Variants in EYS observed in about 807,000 individuals in gnomAD.
EYS encodes protein eyes shut homolog.
In EYS, 250 loss-of-function variants were observed where a neutral mutation model predicts 282.1. That is an observed-to-expected ratio of 0.89 (90% confidence interval 0.80 to 0.98). The LOEUF is 0.98. Ranked by LOEUF, EYS falls within the 50% of genes least tolerant of loss-of-function variation. EYS has a pLI of 0.00. For missense variants in EYS, 4,016 were observed against 3,709.0 expected, an observed-to-expected ratio of 1.08 and a Z score of -2.15; for synonymous variants, 1,355 against 1,282.9, an observed-to-expected ratio of 1.06 and a Z score of -1.20.
chr6:64,426,732 C>A (rs1774420868), intron 28 of EYS, among the ~76,000 whole-genome samples: 1 of 152,094 alleles, frequency 6.6e-6, no homozygotes, highest in African/African-American at 2.4e-5. Context: ...TAAACTATTT[C>A]TCTTAAACCC....
chr6:64,341,731 T>C (rs1406147273), intron 29 of EYS, among the ~76,000 whole-genome samples: 1 of 151,712 alleles, frequency 6.6e-6, no homozygotes, highest in Non-Finnish European at 1.5e-5. Flanking sequence ...TATCCAATCC[T>C]ACTTCCTTCC....
intron 11 of EYS, among the ~76,000 whole-genome samples, chr6:65,320,563 C>T (rs577667333): frequency 1.9e-4 from 29 of 152,156 alleles, no homozygotes; most frequent in African/African-American, 5.8e-4. Flanking sequence ...GCTCCTTGAA[C>T]GTATTCAAGT....
chr6:64,361,051 A>T (rs946502690), intron 29 of EYS, among the ~76,000 whole-genome samples: 3 of 151,682 alleles, frequency 2.0e-5, no homozygotes, highest in Non-Finnish European at 3.0e-5. Context: ...GGTTTGTTTT[A>T]TTTTTAACAT....
At chr6:64,076,314 T>A (rs1771769610) in intron 32 of EYS, among the ~76,000 whole-genome samples, 1 of 151,978 alleles carries the variant, frequency 6.6e-6, no homozygotes, top group Non-Finnish European at 1.5e-5. Context: ...GAAACAAAAC[T>A]TAAGAACTAT....
chr6:65,170,373 G>T (rs950475654), intron 12 of EYS, among the ~76,000 whole-genome samples: 2 of 151,480 alleles, frequency 1.3e-5, no homozygotes, highest in Non-Finnish European at 3.0e-5. Context: ...CATTTTTGAG[G>T]CGAATATATT....
chr6:65,615,951 GA>G (rs34232879), intron 2 of EYS, among the ~76,000 whole-genome samples: 1 of 4,928 alleles, frequency 2.0e-4, no homozygotes, highest in Non-Finnish European at 3.2e-4. Context: ...AAAAAAAAAA[GA>G]AAGAAAAAAA....
At chr6:65,057,846 A>T (rs1561944293) in intron 12 of EYS, 119 bp from the exon 13 acceptor site, 8 of 676,400 alleles carry the variant, frequency 1.2e-5, no homozygotes, top group Non-Finnish European at 1.6e-5. Flanking sequence ...AACCAAATTT[A>T]TTAGATAAGA....
chr6:65,100,974 T>C (rs987730643), intron 12 of EYS, among the ~76,000 whole-genome samples: 2 of 151,074 alleles, frequency 1.3e-5, no homozygotes, highest in African/African-American at 4.8e-5. Flanking sequence ...CTTTGGGAAG[T>C]ACTGAATTAT....
chr6:64,211,398 G>A (rs1041153082), intron 31 of EYS, among the ~76,000 whole-genome samples: 44 of 152,018 alleles, frequency 2.9e-4, no homozygotes, highest in Non-Finnish European at 8.8e-5. Flanking sequence ...GGTTCAAGCA[G>A]TGCTTAAAAT....
chr6:65,171,485 C>G (rs548144142), intron 12 of EYS, among the ~76,000 whole-genome samples: 1 of 151,476 alleles, frequency 6.6e-6, no homozygotes, highest in Non-Finnish European at 1.5e-5. Flanking sequence ...TGAAGTTAAA[C>G]AGAAACAAAG....
At position 65,115,710 on chromosome 6, in the gene EYS, T is replaced by G. The variant is rs544541049; in HGVS notation, c.2024-57983A>C. On this transcript the variant is annotated intron_variant, in intron 12 of 42. Coordinates refer to ENST00000503581, the MANE Select transcript of EYS (RefSeq NM_001142800.2). Reference sequence around the variant, plus strand: ...TATAGCCATTAAACTCAAAACAGACTGTGGCAGACATATCACTATTATCCA... The same window carrying G: ...TATAGCCATTAAACTCAAAACAGACGGTGGCAGACATATCACTATTATCCA... Among the ~76,000 whole-genome samples the G allele has an allele frequency of 2.1e-4, 32 of 152,246 alleles. No homozygotes were observed. The South Asian group carries it at 6.0e-3, about 29-fold the overall frequency.
At chr6:64,876,786 A>G (rs900567666) in intron 19 of EYS, among the ~76,000 whole-genome samples, 1 of 152,166 alleles carries the variant, frequency 6.6e-6, no homozygotes, top group Admixed American at 6.6e-5. Flanking sequence ...ACACCCAGAT[A>G]GAATAGCAGA....
At chr6:64,043,574 G>T (rs2149838793) in intron 33 of EYS, among the ~76,000 whole-genome samples, 1 of 152,340 alleles carries the variant, frequency 6.6e-6, no homozygotes, top group East Asian at 1.9e-4. Flanking sequence ...ACACGAATAT[G>T]CCCATTACTT....
intron 2 of EYS, among the ~76,000 whole-genome samples, chr6:65,532,347 C>T (rs541755202): frequency 6.6e-6 from 1 of 151,982 alleles, no homozygotes; most frequent in Non-Finnish European, 1.5e-5. Context: ...TAATATTTTT[C>T]TTTGATCCAA....
intron 5 of EYS, among the ~76,000 whole-genome samples, chr6:65,438,051 CT>C (rs1244902956): frequency 1.4e-5 from 2 of 146,234 alleles, no homozygotes; most frequent in Non-Finnish European, 3.0e-5. Flanking sequence ...GTTCCCTGCC[CT>C]GTGTCCAAGT....
intron 28 of EYS, among the ~76,000 whole-genome samples, chr6:64,432,875 C>T (rs558278847): frequency 6.6e-6 from 1 of 152,142 alleles, no homozygotes; most frequent in Non-Finnish European, 1.5e-5. Flanking sequence ...CTGTCCCTTT[C>T]ATTAAAATAT....
At chr6:65,040,193 GAAA>G (rs1369765491) in intron 13 of EYS, among the ~76,000 whole-genome samples, 1 of 151,752 alleles carries the variant, frequency 6.6e-6, no homozygotes, top group Non-Finnish European at 1.5e-5. Context: ...AATGGGTTGT[GAAA>G]ACAACAAAAA....
intron 12 of EYS, among the ~76,000 whole-genome samples, chr6:65,199,845 A>C (rs1765856805): frequency 1.3e-5 from 2 of 152,114 alleles, no homozygotes; most frequent in African/African-American, 4.8e-5. Flanking sequence ...CCAAGGATGC[A>C]TGGAGGAGAG....
At chr6:64,785,787 G>T (rs752345908) in intron 22 of EYS, among the ~76,000 whole-genome samples, 11 of 152,094 alleles carry the variant, frequency 7.2e-5, no homozygotes, top group Non-Finnish European at 1.3e-4. Context: ...AGTTGCTGGA[G>T]GTATAAATTT....
Sources: allele counts gnomAD v4.1 joint callset (sites outside exome capture counted in the v4.1 genomes callset), GRCh38; gene constraint gnomAD v4.1.1; transcripts MANE v1.5; gene names NCBI Gene and HGNC (gene_info 2026-07-23, HGNC 2026-07-21).